Variants in RD3 observed in about 807,000 individuals in gnomAD.
RD3 encodes the protein protein RD3.
RD3 carries 11 observed loss-of-function variants against 16.9 expected under a neutral mutation model. The ratio of observed to expected loss-of-function variants is 0.65; its 90% CI spans 0.41 to 1.08. The LOEUF (loss-of-function observed/expected upper bound fraction) is 1.08, where lower values mean the gene tolerates loss of function less well. Ranked by LOEUF, RD3 falls within the 50% of genes least tolerant of loss-of-function variation. The pLI is 0.00. For synonymous variants in RD3, 116 were observed against 114.8 expected, an observed-to-expected ratio of 1.01 and a Z score of -0.07; for missense variants, 274 against 267.4, an observed-to-expected ratio of 1.02 and a Z score of -0.17.
At chr1:211,491,011 CTGAA>C (rs1220515728) in intron 1 of RD3, among the ~76,000 whole-genome samples, 3 of 152,242 alleles carry the variant, frequency 2.0e-5, no homozygotes, top group Non-Finnish European at 4.4e-5. Flanking sequence ...TAAGCGGTTC[CTGAA>C]TGAATGAGTG....
At chr1:211,482,222 A>T (rs1323966091) in intron 1 of RD3, among the ~76,000 whole-genome samples, 3 of 89,564 alleles carry the variant, frequency 3.3e-5, no homozygotes, top group Non-Finnish European at 5.6e-5. Flanking sequence ...AACTCCGTTT[A>T]AAAAAAAAAC....
chr1:211,482,146 C>T (rs544186932), intron 1 of RD3, among the ~76,000 whole-genome samples: 13 of 150,166 alleles, frequency 8.7e-5, no homozygotes, highest in Non-Finnish European at 1.5e-4. Flanking sequence ...TGCCTGAACC[C>T]GGGAGGTGGA....
rs1705504290 is a variant in RD3 at position 211,492,083 on chromosome 1, G to GTGTA, written c.-328_-327insTACA. ...TGTGTGTGTGTGTGTGTGTGTGTGT[G>GTGTA]TGTGTGTGTATGCGTGTATGTATCC... On this transcript the variant is annotated 5_prime_UTR_variant, in exon 1 of 3. It removes the in-frame stop codon of an upstream open reading frame in the 5' UTR. Coordinates refer to ENST00000680073, the MANE Select transcript of RD3 (RefSeq NM_001164688.2). The GTGTA allele has an allele frequency of 1.3e-5, 2 of 152,560 alleles. No individual in the cohort carries two copies. Among genetic ancestry groups the GTGTA allele is most frequent in the Non-Finnish European group, 2.9e-5 (2 of 69,718 alleles). The allele number at this position is 152,560 out of a possible 1,614,324, so 9.5% of individuals were successfully genotyped here.
At chr1:211,490,128 C>A (rs559488765) in intron 1 of RD3, among the ~76,000 whole-genome samples, 1 of 152,192 alleles carries the variant, frequency 6.6e-6, no homozygotes, top group East Asian at 1.9e-4. Context: ...GCCTCAAGGG[C>A]AAGAGGAGTC....
At chr1:211,482,896 G>T (rs17017536) in intron 1 of RD3, among the ~76,000 whole-genome samples, 1 of 151,724 alleles carries the variant, frequency 6.6e-6, no homozygotes, top group African/African-American at 2.4e-5. Flanking sequence ...CCCTCCATAC[G>T]CAGAGAAAAG....
intron 1 of RD3, among the ~76,000 whole-genome samples, chr1:211,484,673 C>T (rs900254521): frequency 4.6e-5 from 7 of 152,218 alleles, no homozygotes; most frequent in Non-Finnish European, 8.8e-5. Flanking sequence ...GGGTGAGATT[C>T]AGACAGCATT....
intron 2 of RD3, among the ~76,000 whole-genome samples, chr1:211,479,863 C>A (rs1558179233): frequency 6.6e-6 from 1 of 152,212 alleles, no homozygotes; most frequent in African/African-American, 2.4e-5. Context: ...TCACTTGTGG[C>A]CCCGACATGT....
intron 1 of RD3, among the ~76,000 whole-genome samples, chr1:211,490,148 A>G (rs890204247): frequency 1.3e-5 from 2 of 152,152 alleles, no homozygotes; most frequent in Non-Finnish European, 2.9e-5. Context: ...CTCTGGTTCC[A>G]CTTGGCACTC....
intron 1 of RD3, among the ~76,000 whole-genome samples, chr1:211,487,536 A>T (rs143302149): frequency 6.6e-6 from 1 of 152,332 alleles, no homozygotes; most frequent in East Asian, 1.9e-4. Context: ...ATATTGATAG[A>T]TATTTATCAC....
At chr1:211,482,636 C>T (rs1705298958) in intron 1 of RD3, among the ~76,000 whole-genome samples, 1 of 151,880 alleles carries the variant, frequency 6.6e-6, no homozygotes, top group South Asian at 2.1e-4. Context: ...AGCCCCCACA[C>T]AGGCCTGCTA....
At chr1:211,480,055 C>T (rs1408842236) in intron 2 of RD3, among the ~76,000 whole-genome samples, 5 of 152,198 alleles carry the variant, frequency 3.3e-5, no homozygotes, top group Non-Finnish European at 7.3e-5. Context: ...CAATCATGAC[C>T]TGTGTGTACC....
chr1:211,486,222 A>G (rs1021130444), intron 1 of RD3, among the ~76,000 whole-genome samples: 2 of 151,648 alleles, frequency 1.3e-5, no homozygotes, highest in Non-Finnish European at 2.9e-5. Context: ...AAAGAAAAAA[A>G]GGCTGGGTGT....
intron 1 of RD3, among the ~76,000 whole-genome samples, chr1:211,486,778 G>A (rs1705382926): frequency 6.6e-6 from 1 of 152,086 alleles, no homozygotes; most frequent in South Asian, 2.1e-4. Flanking sequence ...GGGAGGCAGA[G>A]GTTGCAGTGA....
In RD3 at chr1:211,478,362, G is replaced by A. The variant is rs1705186862; in HGVS notation, c.*674C>T. Reference sequence around the variant, plus strand: ...TTGGACCTGTCCCTTCATAGCCCAGGATTCCAAACTCAGGAACAGACACTA... The same window carrying A: ...TTGGACCTGTCCCTTCATAGCCCAGAATTCCAAACTCAGGAACAGACACTA... On this transcript the variant is annotated 3_prime_UTR_variant, in exon 3 of 3. Transcript: ENST00000680073. 2.5e-6 allele frequency: 1 copy of A among 395,158 alleles called. No homozygotes were observed. The highest frequency in any genetic ancestry group is 2.1e-5 in the African/African-American group (1 of 48,566). 24.5% of individuals were successfully genotyped at this position (395,158 alleles called of 1,614,324 possible).
At chr1:211,491,440 G>A (rs1050051881) in intron 1 of RD3, among the ~76,000 whole-genome samples, 5 of 152,238 alleles carry the variant, frequency 3.3e-5, no homozygotes, top group Admixed American at 6.5e-5. Context: ...ACCTGCTGGA[G>A]CTGGGTCCTC....
At chr1:211,485,890 C>T (rs1200193293) in intron 1 of RD3, among the ~76,000 whole-genome samples, 3 of 152,198 alleles carry the variant, frequency 2.0e-5, no homozygotes, top group Non-Finnish European at 4.4e-5. Context: ...GGCACGATGG[C>T]TCATGCCTGT....
intron 1 of RD3, among the ~76,000 whole-genome samples, chr1:211,482,945 G>A (rs780064666): frequency 2.8e-4 from 42 of 151,910 alleles, no homozygotes; most frequent in Admixed American, 7.2e-4. Context: ...TGGTGATGAA[G>A]GAGGTGTCAC....
intron 1 of RD3, among the ~76,000 whole-genome samples, chr1:211,487,668 C>T (rs1318989414): frequency 2.6e-4 from 39 of 152,234 alleles, no homozygotes; most frequent in Admixed American, 2.5e-3. Flanking sequence ...TTCCTCGGGA[C>T]CCCTGCCTGC....
In RD3 at chr1:211,476,915, T is replaced by C. The variant is rs1261739361; in HGVS notation, c.*2121A>G. The C allele has an allele frequency of 6.6e-6, 1 of 152,142 alleles. No homozygotes were observed. The highest frequency in any genetic ancestry group is 1.5e-5 in the Non-Finnish European group (1 of 68,028). The allele number at this position is 152,142 out of a possible 1,614,324, so 9.4% of individuals were successfully genotyped here. A position where few individuals can be genotyped will look rare whatever the true frequency, so the allele number is the denominator to read the frequency against. On this transcript the variant is annotated 3_prime_UTR_variant, in exon 3 of 3. Transcript: ENST00000680073. ...GGTTAACTACTTCCTCTAAAACATT[T>C]GCTGACCCACATCCAGGGCACCCGG...
Sources: gnomAD v4.1 joint callset for allele counts (sites outside exome capture counted in the v4.1 genomes callset) on GRCh38, gnomAD v4.1.1 for gene constraint, MANE v1.5 for transcripts, NCBI Gene and HGNC (gene_info 2026-07-23, HGNC 2026-07-21) for gene names.